Variants in TMEM132D observed in about 807,000 individuals in gnomAD.
TMEM132D encodes the protein transmembrane protein 132D, also known as mature OL transmembrane protein.
In TMEM132D, 21 loss-of-function variants were observed where a neutral mutation model predicts 62.3. The ratio of observed to expected loss-of-function variants is 0.34; its 90% CI spans 0.24 to 0.49. TMEM132D has a LOEUF of 0.49. Among genes scored for constraint, TMEM132D ranks in the 20% least tolerant of loss-of-function variants. The pLI is 0.99. For missense variants in TMEM132D, 1,346 were observed against 1,402.8 expected (o/e 0.96, Z 0.65); for synonymous variants, 621 against 575.6 (o/e 1.08, Z -1.13).
chr12:129,790,972 T>G (rs61943440), intron 1 of TMEM132D, among the ~76,000 whole-genome samples: 18 of 152,236 alleles, frequency 1.2e-4, no homozygotes, highest in Non-Finnish European at 2.5e-4. Context: ...GGAAAGAAAT[T>G]GAAAGCTGGC....
intron 4 of TMEM132D, among the ~76,000 whole-genome samples, chr12:129,308,026 C>T (rs549286601): frequency 1.3e-5 from 2 of 152,314 alleles, no homozygotes; most frequent in Admixed American, 1.3e-4. Context: ...TTCTCTCCTT[C>T]GAGCTTCCAA....
intron 4 of TMEM132D, among the ~76,000 whole-genome samples, chr12:129,293,168 C>T (rs1881491334): frequency 6.6e-6 from 1 of 152,146 alleles, no homozygotes; most frequent in Non-Finnish European, 1.5e-5. Context: ...GCAGTGCAAG[C>T]ATCCTCATGT....
intron 1 of TMEM132D, among the ~76,000 whole-genome samples, chr12:129,797,036 C>A (rs35157795): frequency 0.081 from 12,357 of 152,200 alleles, 630 homozygotes; most frequent in African/African-American, 0.13. Context: ...CACTTTCTTT[C>A]CAAACTGTAC....
At chr12:129,423,685 A>C (rs1872395030) in intron 3 of TMEM132D, among the ~76,000 whole-genome samples, 1 of 152,186 alleles carries the variant, frequency 6.6e-6, no homozygotes, top group Non-Finnish European at 1.5e-5. Context: ...AAGAGCTAGT[A>C]TGCTAATACG....
intron 1 of TMEM132D, among the ~76,000 whole-genome samples, chr12:129,735,689 A>AT (rs1869399884): frequency 1.3e-5 from 2 of 152,242 alleles, no homozygotes; most frequent in Admixed American, 6.5e-5. Flanking sequence ...GCTGTAAGCC[A>AT]TCACTTGTAT....
At chr12:129,682,633 G>A (rs971340913) in intron 2 of TMEM132D, among the ~76,000 whole-genome samples, 6 of 152,040 alleles carry the variant, frequency 3.9e-5, no homozygotes, top group African/African-American at 7.3e-5. Flanking sequence ...GCTGAAGTGG[G>A]TGGATCACGA....
intron 3 of TMEM132D, among the ~76,000 whole-genome samples, chr12:129,421,869 A>C (rs990472189): frequency 2.6e-5 from 4 of 152,210 alleles, no homozygotes; most frequent in Admixed American, 6.5e-5. Context: ...AAATTTATTT[A>C]AAGCAAGTTT....
intron 4 of TMEM132D, among the ~76,000 whole-genome samples, chr12:129,280,748 T>A (rs1881121646): frequency 6.6e-6 from 1 of 152,174 alleles, no homozygotes; most frequent in Non-Finnish European, 1.5e-5. Flanking sequence ...TCTTAGCTTA[T>A]CTATCTAATT....
chr12:129,216,526 T>C (rs890953380), intron 4 of TMEM132D, among the ~76,000 whole-genome samples: 8 of 152,198 alleles, frequency 5.3e-5, no homozygotes, highest in Admixed American at 2.0e-4. Flanking sequence ...ATATCAAGAA[T>C]TGGCACAACC....
At chr12:129,767,250 G>T (rs567724286) in intron 1 of TMEM132D, among the ~76,000 whole-genome samples, 1 of 152,292 alleles carries the variant, frequency 6.6e-6, no homozygotes, top group East Asian at 1.9e-4. Flanking sequence ...CTCTTGTGAG[G>T]GTTCCCATGT....
chr12:129,258,854 TAAAC>T (rs1880477974), intron 4 of TMEM132D, among the ~76,000 whole-genome samples: 1 of 152,068 alleles, frequency 6.6e-6, no homozygotes, highest in Non-Finnish European at 1.5e-5. Flanking sequence ...TGCTGTAAAA[TAAAC>T]AAAAAGAAAA....
intron 5 of TMEM132D, among the ~76,000 whole-genome samples, chr12:129,100,049 C>CT (rs1049464597): frequency 3.6e-5 from 5 of 140,388 alleles, no homozygotes; most frequent in East Asian, 4.3e-4. Flanking sequence ...ATTTTATTAT[C>CT]TTTTTTTTTG....
intron 2 of TMEM132D, among the ~76,000 whole-genome samples, chr12:129,599,766 G>A (rs983178983): frequency 6.6e-6 from 1 of 152,158 alleles, no homozygotes; most frequent in Non-Finnish European, 1.5e-5. Flanking sequence ...ACACAATGCT[G>A]TTGTCTAGCA....
At chr12:129,233,144 TTTTG>T (rs1409085956) in intron 4 of TMEM132D, among the ~76,000 whole-genome samples, 11 of 152,240 alleles carry the variant, frequency 7.2e-5, no homozygotes, top group South Asian at 2.1e-4. Context: ...TGCATATTTA[TTTTG>T]TTTATTTATG....
In TMEM132D at chr12:129,371,535, TATGATGATGATG is replaced by T. The variant is rs558922183; in HGVS notation, c.1116-33730_1116-33719del. 6.6e-6 allele frequency among the ~76,000 whole-genome samples: 1 copy of T among 150,794 alleles called. No homozygotes were observed. The highest frequency in any genetic ancestry group is 1.5e-5 in the Non-Finnish European group (1 of 67,688). ...TAATGGTGGTGATTATGATGATGAT[TATGATGATGATG>T]ATGATGATGGCGATGATGGTGACAA... On this transcript the variant is annotated intron_variant, in intron 3 of 8. Transcript: ENST00000422113. This position sits in a 1 kb window ranked among gnomAD's most constrained non-coding sequence, Gnocchi z 4.3.
In TMEM132D at chr12:129,700,407, G is replaced by A; in HGVS notation, c.371C>T (p.Ser124Phe). Residue 124 changes from serine to phenylalanine, a missense_variant, in exon 2 of 9, where the codon TCT (serine) becomes TTT (phenylalanine). Transcript: ENST00000422113. ...SNPFGFTNKF[S>F]LNWKLKAHIL... Reference sequence around the variant, plus strand: ...GTGGGCTTTTAGTTTCCAGTTAAGAGAAAATTTGTTGGTGAATCCAAATGG... The same window carrying A: ...GTGGGCTTTTAGTTTCCAGTTAAGAAAAAATTTGTTGGTGAATCCAAATGG... The A allele has an allele frequency of 1.2e-6, 2 of 1,614,172 alleles. No homozygotes were observed. The highest frequency in any genetic ancestry group is 1.7e-6 in the Non-Finnish European group (2 of 1,180,040).
intron 4 of TMEM132D, among the ~76,000 whole-genome samples, chr12:129,216,660 A>T (rs7300009): frequency 0.9 from 136,560 of 152,214 alleles, 61,326 homozygotes; most frequent in East Asian, 0.98. Context: ...TGTCTCTTGT[A>T]TTTAGCCATC....
chr12:129,095,338 G>A (rs1004971303), intron 5 of TMEM132D, among the ~76,000 whole-genome samples: 32 of 144,456 alleles, frequency 2.2e-4, no homozygotes, highest in African/African-American at 7.2e-4. Flanking sequence ...ACCACAATAT[G>A]CCTGCTGGTT....
chr12:129,871,031 T>G (rs1193320625), intron 1 of TMEM132D, among the ~76,000 whole-genome samples: 1 of 152,286 alleles, frequency 6.6e-6, no homozygotes, highest in East Asian at 1.9e-4. Flanking sequence ...CTAATGAGGC[T>G]TCTGTCCCAG....
Sources: allele counts gnomAD v4.1 joint callset (sites outside exome capture counted in the v4.1 genomes callset), GRCh38; gene constraint gnomAD v4.1.1; non-coding constraint Gnocchi (gnomAD v3.1); transcripts MANE v1.5; gene names NCBI Gene and HGNC (gene_info 2026-07-23, HGNC 2026-07-21).